The following PRKD1 variants were observed in gnomAD, a reference collection of about 807,000 sequenced individuals.
PRKD1 encodes the protein serine/threonine-protein kinase D1.
Under a neutral mutation model 95.9 loss-of-function variants are expected in PRKD1, and 63 were observed. That is an observed-to-expected ratio of 0.66 (90% CI 0.54 to 0.81). The LOEUF is 0.81. Among genes scored for constraint, PRKD1 ranks in the 30% least tolerant of loss-of-function variants. The pLI is 0.00. For missense variants in PRKD1, 1,048 were observed against 1,165.3 expected, an observed-to-expected ratio of 0.90 and a Z score of 1.47; for synonymous variants, 425 against 423.1, an observed-to-expected ratio of 1.00 and a Z score of -0.05.
chr14:29,731,948 A>AT, intron 1 of PRKD1, among the ~76,000 whole-genome samples: 1 of 149,906 alleles, frequency 6.7e-6, no homozygotes, highest in East Asian at 2.0e-4. Context: ...ATCTTGGCTT[A>AT]TGGCAACCTC....
chr14:29,730,707 T>C (rs1336654408), intron 1 of PRKD1, among the ~76,000 whole-genome samples: 2 of 152,054 alleles, frequency 1.3e-5, no homozygotes, highest in Non-Finnish European at 2.9e-5. Context: ...GAAAGAAATA[T>C]TAACATTCCG....
At chr14:29,599,232 T>C (rs1172557674) in intron 14 of PRKD1, 107 bp from the exon 15 acceptor site, 1 of 921,724 alleles carries the variant, frequency 1.1e-6, no homozygotes, top group Non-Finnish European at 1.7e-6. Context: ...TTCAAATTTC[T>C]TTATGTTAAA....
At chr14:29,825,764 T>A (rs997433222) in intron 1 of PRKD1, among the ~76,000 whole-genome samples, 1 of 152,048 alleles carries the variant, frequency 6.6e-6, no homozygotes, top group Non-Finnish European at 1.5e-5. Context: ...TTTTTTCCTA[T>A]CCAGTTATGT....
intron 1 of PRKD1, among the ~76,000 whole-genome samples, chr14:29,786,975 A>G (rs191467118): frequency 2.0e-5 from 3 of 149,460 alleles, no homozygotes; most frequent in Admixed American, 1.3e-4. Flanking sequence ...ATTGCTATAA[A>G]TCTCCCTCTT....
chr14:29,733,019 T>C (rs1247739065), intron 1 of PRKD1, among the ~76,000 whole-genome samples: 1 of 151,520 alleles, frequency 6.6e-6, no homozygotes, highest in Admixed American at 6.6e-5. Context: ...TTTTTGTCTT[T>C]AGGGGAGGTT....
At chr14:29,646,282 CA>C (rs948004689) in intron 4 of PRKD1, among the ~76,000 whole-genome samples, 28 of 151,506 alleles carry the variant, frequency 1.8e-4, no homozygotes, top group East Asian at 1.9e-4. Flanking sequence ...TTAATGGGTG[CA>C]AAAAAATAGC....
At chr14:29,747,405 T>G (rs73259526) in intron 1 of PRKD1, among the ~76,000 whole-genome samples, 1,805 of 152,114 alleles carry the variant, frequency 0.012, 38 homozygotes, top group African/African-American at 0.041. Context: ...TCTCAAAAAG[T>G]TAAACATATC....
At chr14:29,607,185 T>C (rs1199020512) in intron 13 of PRKD1, among the ~76,000 whole-genome samples, 1 of 152,214 alleles carries the variant, frequency 6.6e-6, no homozygotes, top group Non-Finnish European at 1.5e-5. Flanking sequence ...TAACTGAAAG[T>C]TTACAGTAGT....
intron 13 of PRKD1, among the ~76,000 whole-genome samples, chr14:29,618,496 T>C (rs1372109739): frequency 6.6e-6 from 1 of 152,166 alleles, no homozygotes; most frequent in Admixed American, 6.5e-5. Context: ...CCTCAGGTGA[T>C]CCGGCTGCCT....
chr14:29,771,800 G>A (rs996674665), intron 1 of PRKD1, among the ~76,000 whole-genome samples: 2 of 152,218 alleles, frequency 1.3e-5, no homozygotes, highest in African/African-American at 4.8e-5. Context: ...CCTCACCCCA[G>A]TGTGCTGCAA....
rs550944666 is a variant in PRKD1 at position 29,734,066 on chromosome 14, G to A, written c.265-8392C>T. On this transcript the variant is annotated intron_variant, in intron 1 of 17. Transcript: ENST00000331968. ...TTTTTTTTTTTTTTTTTTTTGAGTC[G>A]GAGTCTAGCTCTGTCACTCAGGCTG... Among the ~76,000 whole-genome samples the A allele has an allele frequency of 4.7e-4, 42 of 88,888 alleles. No individual in the cohort carries two copies. The South Asian group carries it at 0.013, about 27-fold the overall frequency. The allele number at this position is 88,888 out of a possible 152,430, so 58.3% of individuals were successfully genotyped here.
chr14:29,795,687 A>T (rs1324356229), intron 1 of PRKD1, among the ~76,000 whole-genome samples: 1 of 152,162 alleles, frequency 6.6e-6, no homozygotes, highest in Non-Finnish European at 1.5e-5. Flanking sequence ...AACAATGTGC[A>T]ATATTCCCCA....
intron 1 of PRKD1, among the ~76,000 whole-genome samples, chr14:29,769,553 A>T (rs186221158): frequency 6.6e-6 from 1 of 152,198 alleles, no homozygotes; most frequent in East Asian, 1.9e-4. Context: ...AGCAAGACCC[A>T]GTCTCCCGAA....
intron 1 of PRKD1, among the ~76,000 whole-genome samples, chr14:29,806,981 C>G (rs1890262924): frequency 6.6e-6 from 1 of 152,114 alleles, no homozygotes; most frequent in Admixed American, 6.5e-5. Context: ...TATGCTTACA[C>G]TACACTGTAG....
At position 29,895,231 on chromosome 14, in the gene PRKD1, C is replaced by T. The variant is rs147455034; in HGVS notation, c.264+32018G>A. 2.1e-3 allele frequency among the ~76,000 whole-genome samples: 314 copies of T among 152,176 alleles called. 4 individuals are homozygous for T. Among genetic ancestry groups the T allele is most frequent in the African/African-American group, 6.9e-3 (287 of 41,524 alleles). On this transcript the variant is annotated intron_variant, in intron 1 of 17. Coordinates refer to ENST00000331968, the MANE Select transcript of PRKD1 (RefSeq NM_002742.3). Reference sequence around the variant, plus strand: ...ACTCAAGAAGCTGAGGCAGGAGACTCGCTTGAACCCGGGAGGCAGAGGTTG... The same window carrying T: ...ACTCAAGAAGCTGAGGCAGGAGACTTGCTTGAACCCGGGAGGCAGAGGTTG...
chr14:29,809,965 A>G (rs1026535946), intron 1 of PRKD1, among the ~76,000 whole-genome samples: 3 of 152,162 alleles, frequency 2.0e-5, no homozygotes, highest in African/African-American at 7.2e-5. Flanking sequence ...GACCCTTAGA[A>G]GTCATTGTAG....
intron 1 of PRKD1, among the ~76,000 whole-genome samples, chr14:29,869,046 TCC>T (rs1197553842): frequency 1.3e-5 from 2 of 152,054 alleles, no homozygotes; most frequent in African/African-American, 4.8e-5. Flanking sequence ...CAAAACATAA[TCC>T]TAAATTCTAG....
intron 1 of PRKD1, among the ~76,000 whole-genome samples, chr14:29,833,646 C>A (rs1404773910): frequency 2.0e-5 from 3 of 152,020 alleles, no homozygotes; most frequent in Non-Finnish European, 2.9e-5. Context: ...CCTTTCCCAT[C>A]AAGTAGGAAA....
intron 1 of PRKD1, among the ~76,000 whole-genome samples, chr14:29,897,763 C>T (rs950493066): frequency 6.6e-6 from 1 of 152,102 alleles, no homozygotes; most frequent in Non-Finnish European, 1.5e-5. Context: ...AAACTGGTTG[C>T]TTCCATACAA....
Sources: allele counts gnomAD v4.1 joint callset (sites outside exome capture counted in the v4.1 genomes callset), GRCh38; gene constraint gnomAD v4.1.1; transcripts MANE v1.5; gene names NCBI Gene and HGNC (gene_info 2026-07-23, HGNC 2026-07-21).